GALNT13: variants seen among roughly 807,000 people sequenced by gnomAD.
GALNT13 encodes the protein UDP-GalNAc:polypeptide N-acetylgalactosaminyltransferase 13.
Under a neutral mutation model 64.2 loss-of-function variants are expected in GALNT13, and 28 were observed. The ratio of observed to expected loss-of-function variants is 0.44; its 90% CI spans 0.32 to 0.60. GALNT13 has a LOEUF of 0.60. Ranked by LOEUF, GALNT13 falls within the 20% of genes least tolerant of loss-of-function variation. The pLI, the probability that GALNT13 is intolerant of heterozygous loss-of-function variation, is 0.05. For synonymous variants in GALNT13, 214 were observed against 224.6 expected (o/e 0.95, Z 0.42); for missense variants, 577 against 669.8 (o/e 0.86, Z 1.53).
chr2:154,040,360 T>C lies in GALNT13; in HGVS notation c.142+95721T>C, dbSNP rs1415849476. ...CTGATGTATCTTAGGCATTGAAGTT[T>C]TGGTGCACTGAGTAGAATACATCGT... On this transcript the variant is annotated intron_variant, in intron 3 of 12. Coordinates refer to ENST00000392825, the MANE Select transcript of GALNT13 (RefSeq NM_052917.4). Among the ~76,000 whole-genome samples, 2 of 141,084 alleles carry C rather than the reference T, an allele frequency of 1.4e-5. 1 individual carries two copies. Among genetic ancestry groups the C allele is most frequent in the Non-Finnish European group, 3.3e-5 (2 of 61,348 alleles). The allele number at this position is 141,084 out of a possible 152,430, so 92.6% of individuals were successfully genotyped here.
At chr2:154,084,484 G>T (rs1399139192) in intron 3 of GALNT13, among the ~76,000 whole-genome samples, 1 of 151,822 alleles carries the variant, frequency 6.6e-6, no homozygotes, top group Admixed American at 6.6e-5. Context: ...TTTAAGTAGA[G>T]TATAATGTAA....
chr2:153,400,796 T>A, the GALNT13 span, among the ~76,000 whole-genome samples: 1 of 152,134 alleles, frequency 6.6e-6, no homozygotes, highest in Non-Finnish European at 1.5e-5. Context: ...TTTTATTGTG[T>A]CTATTTGATT....
intron 8 of GALNT13, chr2:154,287,419 C>T (rs1350448825): frequency 4.5e-6 from 2 of 447,138 alleles, no homozygotes; most frequent in Non-Finnish European, 4.2e-6. Context: ...TCCAGCTGCC[C>T]CAGTGAGGGC....
chr2:153,288,735 C>T, the GALNT13 span, among the ~76,000 whole-genome samples: 1 of 152,072 alleles, frequency 6.6e-6, no homozygotes, highest in African/African-American at 2.4e-5. Flanking sequence ...CCTACTCTGC[C>T]TGATTCATAA....
the GALNT13 span, among the ~76,000 whole-genome samples, chr2:153,630,688 TA>T: frequency 3.3e-5 from 4 of 123,014 alleles, no homozygotes; most frequent in East Asian, 2.5e-4. Context: ...TAAAAAAAAT[TA>T]AAAAAAATTA....
the GALNT13 span, among the ~76,000 whole-genome samples, chr2:153,719,445 A>G: frequency 1.3e-5 from 2 of 152,152 alleles, no homozygotes; most frequent in Non-Finnish European, 2.9e-5. Flanking sequence ...AAAAGCTAAT[A>G]TGGGGGGAGG....
intron 9 of GALNT13, among the ~76,000 whole-genome samples, chr2:154,342,485 G>GT (rs1315667187): frequency 2.0e-5 from 3 of 151,716 alleles, no homozygotes; most frequent in South Asian, 2.1e-4. Context: ...CTTTTGTTTT[G>GT]TTTTTTTATG....
chr2:153,487,999 T>C, the GALNT13 span, among the ~76,000 whole-genome samples: 119 of 152,254 alleles, frequency 7.8e-4, no homozygotes, highest in African/African-American at 2.6e-3. Flanking sequence ...TTAAGGTAAA[T>C]GAAACTTCTG....
chr2:153,445,886 G>A, the GALNT13 span, among the ~76,000 whole-genome samples: 1 of 152,096 alleles, frequency 6.6e-6, no homozygotes, highest in South Asian at 2.1e-4. Context: ...ACATTGTTTT[G>A]AAATTACTGT....
intron 3 of GALNT13, among the ~76,000 whole-genome samples, chr2:153,968,805 A>C (rs777465564): frequency 1.3e-5 from 2 of 152,212 alleles, no homozygotes; most frequent in Non-Finnish European, 2.9e-5. Context: ...TTAAAACAAT[A>C]GTTTAATAGT....
the GALNT13 span, among the ~76,000 whole-genome samples, chr2:153,222,307 T>TGGGGGCGGGGGGCGGGGGG: frequency 1.6e-4 from 1 of 6,328 alleles, no homozygotes; most frequent in African/African-American, 7.2e-4. Flanking sequence ...TGAGTCTGGC[T>TGGGGGCGGGGGGCGGGGGG]GGGGGGGGGG....
At chr2:153,694,346 A>G in the GALNT13 span, among the ~76,000 whole-genome samples, 1 of 152,184 alleles carries the variant, frequency 6.6e-6, no homozygotes, top group South Asian at 2.1e-4. Flanking sequence ...AACTACATGT[A>G]TTACATCATG....
the GALNT13 span, among the ~76,000 whole-genome samples, chr2:153,240,713 G>A: frequency 2.9e-3 from 439 of 152,232 alleles, 3 homozygotes; most frequent in Non-Finnish European, 4.2e-3. Flanking sequence ...GTGTCTGTCT[G>A]TAGGCTGGTC....
chr2:154,373,797 G>A (rs182600307), intron 9 of GALNT13, among the ~76,000 whole-genome samples: 89 of 152,288 alleles, frequency 5.8e-4, no homozygotes, highest in African/African-American at 2.1e-3. Context: ...CACTTAACAG[G>A]TGTGGCAGGA....
chr2:154,174,904 T>C (rs1440072223), intron 4 of GALNT13, among the ~76,000 whole-genome samples: 2 of 152,190 alleles, frequency 1.3e-5, no homozygotes, highest in Non-Finnish European at 2.9e-5. Flanking sequence ...GAAAATCTTC[T>C]TGTCAACATA....
At chr2:153,640,981 T>C in the GALNT13 span, among the ~76,000 whole-genome samples, 1 of 152,254 alleles carries the variant, frequency 6.6e-6, no homozygotes. Context: ...GGGAAGTCTC[T>C]TTGTGGAGTC....
intron 7 of GALNT13, among the ~76,000 whole-genome samples, chr2:154,253,442 A>G (rs1690196243): frequency 6.6e-6 from 1 of 152,202 alleles, no homozygotes; most frequent in Admixed American, 6.5e-5. Flanking sequence ...TGTCAAATGC[A>G]TACTTTTTTG....
At chr2:153,986,208 A>G (rs1694789632) in intron 3 of GALNT13, among the ~76,000 whole-genome samples, 2 of 152,026 alleles carry the variant, frequency 1.3e-5, no homozygotes, top group Non-Finnish European at 2.9e-5. Context: ...ATGCATTAAC[A>G]TGGAGAAGGT....
At chr2:153,831,974 A>G in the GALNT13 span, among the ~76,000 whole-genome samples, 1 of 152,180 alleles carries the variant, frequency 6.6e-6, no homozygotes, top group Non-Finnish European at 1.5e-5. Context: ...ATCTTTGAGC[A>G]GGTCATTGCC....
Sources: allele counts gnomAD v4.1 joint callset (sites outside exome capture counted in the v4.1 genomes callset), GRCh38; gene constraint gnomAD v4.1.1; transcripts MANE v1.5; gene names NCBI Gene and HGNC (gene_info 2026-07-23, HGNC 2026-07-21).